The following EPHB2 variants were observed in gnomAD, a reference collection of about 807,000 sequenced individuals.
The protein encoded by EPHB2 is EPH receptor B2, also known as ephrin type-B receptor 2.
A neutral mutation model predicts 96.4 loss-of-function variants in EPHB2; 18 were observed. The observed-to-expected ratio is 0.19, with a 90% CI of 0.13 to 0.28. The LOEUF (loss-of-function observed/expected upper bound fraction) is 0.28, where lower values mean the gene tolerates loss of function less well. EPHB2 is among the 10% of genes least tolerant of loss of function. EPHB2 has a pLI of 1.00. For missense variants in EPHB2, 989 were observed against 1,355.4 expected, an observed-to-expected ratio of 0.73 and a Z score of 4.25; for synonymous variants, 506 against 534.1, an observed-to-expected ratio of 0.95 and a Z score of 0.72.
intron 3 of EPHB2, among the ~76,000 whole-genome samples, chr1:22,825,093 G>A (rs1570345031): frequency 1.3e-5 from 2 of 152,242 alleles, no homozygotes; most frequent in East Asian, 1.9e-4. Flanking sequence ...AGAAGACCCC[G>A]TAAACTGACC....
intron 1 of EPHB2, among the ~76,000 whole-genome samples, chr1:22,758,319 T>C (rs1644184432): frequency 6.6e-6 from 1 of 151,802 alleles, no homozygotes. Flanking sequence ...TGAAAAGGCA[T>C]AGGGTCAGGA....
chr1:22,911,571 C>T (rs1057465068), intron 14 of EPHB2, among the ~76,000 whole-genome samples: 1 of 152,208 alleles, frequency 6.6e-6, no homozygotes, highest in African/African-American at 2.4e-5. Context: ...AGGCTCAAGC[C>T]TCCCAGGGCA....
Position 22,905,976 on chromosome 1 carries a change from T to G in EPHB2, c.1766-11T>G, listed in dbSNP as rs187464234. ...TCAGTCCATATGACAGAGCCTGGTCTTGTCCCCCAGTGACCCCAGGCATGA... is the reference window on the plus strand; with the variant it reads ...TCAGTCCATATGACAGAGCCTGGTCGTGTCCCCCAGTGACCCCAGGCATGA... On this transcript the variant is annotated splice_polypyrimidine_tract_variant and intron_variant, in intron 9 of 15. Coordinates refer to ENST00000374630, the MANE Select transcript of EPHB2 (RefSeq NM_017449.5). The G allele has an allele frequency of 1.9e-3, 3,069 of 1,614,206 alleles. 4 individuals carry two copies. The highest frequency in any genetic ancestry group is 2.4e-3 in the Non-Finnish European group (2,819 of 1,180,040).
Position 22,858,232 on chromosome 1 carries a change from G to A in EPHB2, c.812-4805G>A, listed in dbSNP as rs1013120547. 6.9e-6 allele frequency among the ~76,000 whole-genome samples: 1 copy of A among 145,672 alleles called. No homozygotes were observed. The highest frequency in any genetic ancestry group is 1.6e-5 in the Non-Finnish European group (1 of 63,892). ...GCAGGAGCGCAGTGAGTGAGAGGAG[G>A]AGGGGGAAGCGTCCAGGAGACCATC... On this transcript the variant is annotated intron_variant, in intron 3 of 15. Coordinates refer to ENST00000374630, the MANE Select transcript of EPHB2 (RefSeq NM_017449.5). The surrounding 1 kb of genome is among the most constrained non-coding windows in gnomAD (Gnocchi z 7.7).
Position 22,912,434 on chromosome 1 carries a change from C to A in EPHB2, c.2697-10C>A. 1.2e-6 allele frequency: 2 copies of A among 1,613,926 alleles called. No homozygotes were observed. The highest frequency in any genetic ancestry group is 1.7e-6 in the Non-Finnish European group (2 of 1,180,022). On this transcript the variant is annotated splice_polypyrimidine_tract_variant and intron_variant, in intron 14 of 15. Transcript: ENST00000374630. ...CCCTGACCATCTCTGTCGCCCACCC[C>A]CAACCCCAGCATCAACCTGCCGCTG...
chr1:22,863,526 G>A (rs1041922056), intron 4 of EPHB2, among the ~76,000 whole-genome samples: 8 of 152,210 alleles, frequency 5.3e-5, no homozygotes, highest in Non-Finnish European at 1.2e-4. Flanking sequence ...GCTGCCCAGT[G>A]TTCTAACCTG....
At chr1:22,786,717 G>C (rs1284767934) in intron 3 of EPHB2, among the ~76,000 whole-genome samples, 2 of 152,202 alleles carry the variant, frequency 1.3e-5, no homozygotes, top group African/African-American at 2.4e-5. Context: ...GGGAAGAGGA[G>C]AGGCGAGATC....
intron 1 of EPHB2, among the ~76,000 whole-genome samples, chr1:22,724,391 G>T (rs1299777338): frequency 5.9e-5 from 9 of 152,114 alleles, no homozygotes; most frequent in African/African-American, 2.2e-4. Flanking sequence ...AGATCACTTT[G>T]CCTGGCACAC....
intron 6 of EPHB2, among the ~76,000 whole-genome samples, chr1:22,887,111 A>G (rs1007544986): frequency 2.0e-5 from 3 of 152,086 alleles, no homozygotes. Context: ...GCAGAGGAAG[A>G]ACCAGAAGAT....
At chr1:22,822,709 C>A (rs1645168864) in intron 3 of EPHB2, among the ~76,000 whole-genome samples, 1 of 152,242 alleles carries the variant, frequency 6.6e-6, no homozygotes, top group Admixed American at 6.5e-5. Flanking sequence ...TCAGGACATG[C>A]ACTGGCATCT....
rs763411615 is a variant in EPHB2, at chr1:22,864,869, C to G, written c.968-8C>G. On this transcript the variant is annotated splice_polypyrimidine_tract_variant and splice_region_variant and intron_variant, in intron 4 of 15. Transcript: ENST00000374630. ...CCCCCACTGACCAACACCTCTCCCC[C>G]GCCCCAGCCATCCCCTCCGCGCCCC... 6.3e-6 allele frequency: 10 copies of G among 1,597,632 alleles called. No homozygotes were observed. In the South Asian group the frequency reaches 7.9e-5, roughly 13 times the overall value.
chr1:22,833,799 T>C (rs1224321887), intron 3 of EPHB2, among the ~76,000 whole-genome samples: 1 of 152,142 alleles, frequency 6.6e-6, no homozygotes, highest in African/African-American at 2.4e-5. Context: ...CAGAAATTCA[T>C]AGTTTGGATG....
intron 5 of EPHB2, 139 bp downstream of exon 5, chr1:22,865,351 T>C: frequency 1.0e-6 from 1 of 1,001,340 alleles, no homozygotes. Context: ...TCGGTCCACC[T>C]GGGAGAGTAA....
chr1:22,825,634 G>T (rs905969015), intron 3 of EPHB2, among the ~76,000 whole-genome samples: 4 of 152,226 alleles, frequency 2.6e-5, no homozygotes, highest in African/African-American at 9.6e-5. Context: ...GAGAATAGAT[G>T]TACAGCTGGC....
chr1:22,730,387 A>G (rs1472644770), intron 1 of EPHB2, among the ~76,000 whole-genome samples: 1 of 152,202 alleles, frequency 6.6e-6, no homozygotes, highest in African/African-American at 2.4e-5. Flanking sequence ...TTGACATCCC[A>G]AGCTCTTACC....
At chr1:22,880,853 C>T (rs1639017327) in intron 5 of EPHB2, among the ~76,000 whole-genome samples, 1 of 152,246 alleles carries the variant, frequency 6.6e-6, no homozygotes, top group Non-Finnish European at 1.5e-5. Context: ...CAAAAGACAG[C>T]AGGCCGGATG....
chr1:22,861,410 G>A (rs1254510072), intron 3 of EPHB2, among the ~76,000 whole-genome samples: 2 of 152,202 alleles, frequency 1.3e-5, no homozygotes, highest in Non-Finnish European at 2.9e-5. Flanking sequence ...GGCTGAGGCA[G>A]GAGGACTGCT....
intron 3 of EPHB2, among the ~76,000 whole-genome samples, chr1:22,820,371 G>A (rs919093182): frequency 2.0e-5 from 3 of 152,174 alleles, no homozygotes; most frequent in Non-Finnish European, 4.4e-5. Flanking sequence ...TGTAACAATA[G>A]CAGCTATTGC....
intron 1 of EPHB2, among the ~76,000 whole-genome samples, chr1:22,757,966 T>C (rs1290393458): frequency 7.4e-6 from 1 of 135,330 alleles, no homozygotes; most frequent in Non-Finnish European, 1.5e-5. Flanking sequence ...TTGCCCAGGC[T>C]GGAGTGCAGT....
Sources: allele counts gnomAD v4.1 joint callset (sites outside exome capture counted in the v4.1 genomes callset), GRCh38; gene constraint gnomAD v4.1.1; non-coding constraint Gnocchi (gnomAD v3.1); transcripts MANE v1.5; gene names NCBI Gene and HGNC (gene_info 2026-07-23, HGNC 2026-07-21).